QTMAN: variants seen among roughly 807,000 people sequenced by gnomAD.
QTMAN encodes queuosine-tRNA mannosyltransferase, also known as tRNA-queuosine alpha-mannosyltransferase.
chr2:144,007,555 CA>C, the QTMAN span: 1 of 1,467,828 alleles, frequency 6.8e-7, no homozygotes, highest in East Asian at 2.3e-5. Flanking sequence ...AAAAAGAATG[CA>C]ATATACTTTT....
the QTMAN span, among the ~76,000 whole-genome samples, chr2:143,991,494 C>T: frequency 3.4e-5 from 5 of 145,934 alleles, no homozygotes; most frequent in African/African-American, 5.1e-5. Flanking sequence ...CGCCTCTGCC[C>T]GGCCACCCCT....
the QTMAN span, among the ~76,000 whole-genome samples, chr2:143,998,166 G>A: frequency 1.4e-4 from 21 of 151,984 alleles, no homozygotes; most frequent in African/African-American, 4.8e-4. Context: ...ACCATAATTA[G>A]AAGTAACATC....
chr2:144,245,278 T>C, the QTMAN span, among the ~76,000 whole-genome samples: 2 of 152,242 alleles, frequency 1.3e-5, no homozygotes, highest in East Asian at 3.8e-4. Context: ...TTTTTAAGTA[T>C]AAATACATAG....
the QTMAN span, among the ~76,000 whole-genome samples, chr2:143,951,799 A>G: frequency 2.6e-5 from 4 of 151,604 alleles, no homozygotes; most frequent in African/African-American, 9.7e-5. Flanking sequence ...CACGTATTTC[A>G]TAAGACCTAG....
chr2:144,118,071 C>T, the QTMAN span, among the ~76,000 whole-genome samples: 1 of 152,162 alleles, frequency 6.6e-6, no homozygotes, highest in Non-Finnish European at 1.5e-5. Flanking sequence ...TGGTCTCAAT[C>T]TCCTGACCTT....
chr2:144,107,285 A>G, the QTMAN span, among the ~76,000 whole-genome samples: 16 of 152,168 alleles, frequency 1.1e-4, no homozygotes, highest in South Asian at 1.2e-3. Flanking sequence ...ATAGAGACAC[A>G]AAAAACCCTT....
At chr2:144,146,725 G>C in the QTMAN span, among the ~76,000 whole-genome samples, 1 of 151,898 alleles carries the variant, frequency 6.6e-6, no homozygotes, top group African/African-American at 2.4e-5. Flanking sequence ...TACAGGACTT[G>C]AGCAGCTGAG....
At chr2:144,281,891 G>A in the QTMAN span, among the ~76,000 whole-genome samples, 1 of 152,124 alleles carries the variant, frequency 6.6e-6, no homozygotes, top group Non-Finnish European at 1.5e-5. Flanking sequence ...AGGGGTACAT[G>A]TGCAGGTTTG....
chr2:144,098,008 T>C, the QTMAN span, among the ~76,000 whole-genome samples: 1 of 152,180 alleles, frequency 6.6e-6, no homozygotes, highest in East Asian at 1.9e-4. Flanking sequence ...TTCAGTTTCC[T>C]TCCTCTCTGA....
the QTMAN span, among the ~76,000 whole-genome samples, chr2:144,058,938 C>A: frequency 6.6e-6 from 1 of 152,160 alleles, no homozygotes; most frequent in Non-Finnish European, 1.5e-5. Context: ...ATTACAATAA[C>A]CTGATAGTTT....
the QTMAN span, among the ~76,000 whole-genome samples, chr2:143,989,398 A>C: frequency 6.6e-6 from 1 of 152,150 alleles, no homozygotes; most frequent in Non-Finnish European, 1.5e-5. Flanking sequence ...ATACTCAAGG[A>C]AGCAGGTTTA....
chr2:144,239,158 T>TAA, the QTMAN span, among the ~76,000 whole-genome samples: 9 of 131,370 alleles, frequency 6.9e-5, no homozygotes, highest in African/African-American at 2.7e-4. Flanking sequence ...TACGCACTGT[T>TAA]AAAAAAAAGA....
At chr2:144,065,287 T>C in the QTMAN span, among the ~76,000 whole-genome samples, 11 of 152,066 alleles carry the variant, frequency 7.2e-5, no homozygotes, top group Admixed American at 2.0e-4. Context: ...AGAAAAACAT[T>C]TGGGAAACAT....
At chr2:144,088,670 A>G in the QTMAN span, among the ~76,000 whole-genome samples, 1 of 152,102 alleles carries the variant, frequency 6.6e-6, no homozygotes, top group Admixed American at 6.6e-5. Context: ...AAAGCCACAT[A>G]TTCATAGCCA....
the QTMAN span, among the ~76,000 whole-genome samples, chr2:143,992,535 AAAATAAAT>A: frequency 2.6e-5 from 4 of 151,464 alleles, no homozygotes; most frequent in African/African-American, 9.7e-5. Context: ...GATCAATAAA[AAAATAAAT>A]AAATAAATAA....
the QTMAN span, among the ~76,000 whole-genome samples, chr2:144,151,848 CT>C: frequency 3.9e-4 from 59 of 152,144 alleles, no homozygotes; most frequent in African/African-American, 1.4e-3. Context: ...ACACAATTTG[CT>C]TTAGTTGTCA....
chr2:144,020,254 T>A, the QTMAN span, among the ~76,000 whole-genome samples: 1 of 152,242 alleles, frequency 6.6e-6, no homozygotes, highest in East Asian at 1.9e-4. Flanking sequence ...CCTGCCTAAA[T>A]GCTGCATTTC....
the QTMAN span, among the ~76,000 whole-genome samples, chr2:144,109,272 C>G: frequency 6.6e-6 from 1 of 152,070 alleles, no homozygotes; most frequent in Non-Finnish European, 1.5e-5. Context: ...TTTGACAAAC[C>G]TGACAAAAAC....
the QTMAN span, among the ~76,000 whole-genome samples, chr2:144,162,000 A>G: frequency 6.6e-6 from 1 of 152,230 alleles, no homozygotes; most frequent in East Asian, 1.9e-4. Flanking sequence ...TTTTCATAGT[A>G]CAAAGACATT....
Sources: allele counts gnomAD v4.1 joint callset (sites outside exome capture counted in the v4.1 genomes callset), GRCh38; gene constraint gnomAD v4.1.1; transcripts MANE v1.5; gene names NCBI Gene and HGNC (gene_info 2026-07-23, HGNC 2026-07-21).